The following PPEF1 variants were observed in gnomAD, a reference collection of about 807,000 sequenced individuals.
PPEF1 encodes protein phosphatase with EF-hand domain 1.
Under a neutral mutation model 53.3 loss-of-function variants are expected in PPEF1, and 12 were observed. The observed-to-expected ratio is 0.23, with a 90% CI of 0.14 to 0.36. The LOEUF is 0.36. Among genes scored for constraint, PPEF1 ranks in the 10% least tolerant of loss-of-function variants. The pLI is 1.00. For synonymous variants in PPEF1, 165 were observed against 176.7 expected, an observed-to-expected ratio of 0.93 and a Z score of 0.52; for missense variants, 334 against 490.4, an observed-to-expected ratio of 0.68 and a Z score of 3.01.
At chrX:18,708,603 T>G (rs1404235090) in intron 1 of PPEF1, among the ~76,000 whole-genome samples, 1 of 112,385 alleles carries the variant, frequency 8.9e-6, no homozygotes, top group East Asian at 2.8e-4. Flanking sequence ...CCCCAACTTC[T>G]ATTCCACGTC....
chrX:18,791,697 C>A (rs768709151), intron 10 of PPEF1, among the ~76,000 whole-genome samples: 39 of 111,186 alleles, frequency 3.5e-4, no homozygotes, highest in African/African-American at 1.1e-3. Flanking sequence ...TGCTTAATTG[C>A]CTTGTCTAGA....
At chrX:18,767,467 C>T (rs1021063496) in intron 6 of PPEF1, among the ~76,000 whole-genome samples, 1 of 111,770 alleles carries the variant, frequency 8.9e-6, no homozygotes, top group African/African-American at 3.3e-5. Context: ...ATTGCTTGAA[C>T]CCGGGATGCA....
rs377494457 is a variant in PPEF1 at position 18,809,370 on chromosome X, A to T, written c.1394+2825A>T. 8.1e-5 allele frequency among the ~76,000 whole-genome samples: 9 copies of T among 110,690 alleles called. No homozygotes were observed. The East Asian group carries it at 2.5e-3, about 31-fold the overall frequency. On this transcript the variant is annotated intron_variant, in intron 12 of 15. Transcript: ENST00000470157. ...TGTTTAGGGAATAATGACAAGAAGA[A>T]GTCTGTACATGTTAAGTACAGGCAC...
At chrX:18,790,477 T>C (rs1356901776) in intron 10 of PPEF1, among the ~76,000 whole-genome samples, 1 of 111,541 alleles carries the variant, frequency 9.0e-6, no homozygotes. Context: ...CAAAATGATA[T>C]ATTTTTTCTC....
chrX:18,786,905 C>A (rs2147614760), intron 9 of PPEF1, among the ~76,000 whole-genome samples: 1 of 110,740 alleles, frequency 9.0e-6, no homozygotes, highest in South Asian at 3.9e-4. Context: ...TTTCAGTCAC[C>A]AATACAGACC....
intron 4 of PPEF1, among the ~76,000 whole-genome samples, chrX:18,697,464 C>T (rs1049265946): frequency 1.8e-5 from 2 of 110,984 alleles, no homozygotes; most frequent in African/African-American, 6.6e-5. Context: ...AGAACCCCCT[C>T]TTCCCACCTC....
Position 18,726,674 on chromosome X carries a change from TA to T in PPEF1, c.47-3505del, listed in dbSNP as rs1476608886. ...AGCTCAGTTATTTCTTTTTTTTTTT[TA>T]ATCGAAATGGAGTCTTGCTCTGTCT... On this transcript the variant is annotated intron_variant, in intron 1 of 15. Coordinates refer to ENST00000470157, the MANE Select transcript of PPEF1 (RefSeq NM_001377996.1). Among the ~76,000 whole-genome samples, 5 of 101,483 alleles carry T rather than the reference TA, an allele frequency of 4.9e-5. No individual in the cohort carries two copies. In the South Asian group the frequency reaches 2.2e-3, roughly 45 times the overall value. 88.1% of individuals were successfully genotyped at this position (101,483 alleles called of 115,157 possible).
intron 4 of PPEF1, among the ~76,000 whole-genome samples, chrX:18,755,639 A>G (rs1452824908): frequency 1.8e-5 from 2 of 111,036 alleles, no homozygotes; most frequent in Non-Finnish European, 1.9e-5. Context: ...AACCATCACC[A>G]CTATGTAATT....
chrX:18,759,383 G>T (rs12010310), intron 5 of PPEF1, among the ~76,000 whole-genome samples: 3,769 of 111,598 alleles, frequency 0.034, 161 homozygotes, highest in African/African-American at 0.12. Context: ...AGATTGTGAT[G>T]AAAATTTGCT....
intron 4 of PPEF1, chrX:18,691,466 C>CATG (rs1031786994): frequency 8.9e-5 from 10 of 111,745 alleles, no homozygotes; most frequent in Non-Finnish European, 1.9e-4. Context: ...CAGAGAACCT[C>CATG]ATGATGGTCT....
chrX:18,777,579 G>C (rs2045993465), intron 6 of PPEF1, among the ~76,000 whole-genome samples: 1 of 109,996 alleles, frequency 9.1e-6, no homozygotes. Flanking sequence ...GAGTGCAGTG[G>C]TGCGATCTCC....
chrX:18,754,365 T>C (rs1185808473), intron 4 of PPEF1, among the ~76,000 whole-genome samples: 1 of 111,133 alleles, frequency 9.0e-6, no homozygotes, highest in Non-Finnish European at 1.9e-5. Context: ...TTCTCTGACA[T>C]CACCCCAGTA....
chrX:18,750,711 G>T lies in PPEF1; in HGVS notation c.396+759G>T, dbSNP rs771080664. On this transcript the variant is annotated intron_variant, in intron 4 of 15. Transcript: ENST00000470157. ...ATATGGTAGCTCTATGCTGGATCAT[G>T]TGGTAACTCTATATTTAAATTTTCC... Among the ~76,000 whole-genome samples the T allele has an allele frequency of 2.7e-5, 3 of 111,826 alleles. No homozygotes were observed. The South Asian group carries it at 1.1e-3, about 42-fold the overall frequency.
chrX:18,755,529 C>T (rs957192570), intron 4 of PPEF1, among the ~76,000 whole-genome samples: 1 of 111,970 alleles, frequency 8.9e-6, no homozygotes, highest in Non-Finnish European at 1.9e-5. Context: ...ATCGTGCCAC[C>T]GCACTCCAGC....
At chrX:18,746,422 G>A (rs934811764) in intron 3 of PPEF1, among the ~76,000 whole-genome samples, 1 of 112,007 alleles carries the variant, frequency 8.9e-6, no homozygotes, top group African/African-American at 3.2e-5. Flanking sequence ...ACTAAGAATC[G>A]GTTTAGGGAA....
At chrX:18,686,122 T>G (rs1219313598) in intron 2 of PPEF1, 1 of 112,393 alleles carries the variant, frequency 8.9e-6, no homozygotes, top group Non-Finnish European at 1.9e-5. Context: ...AAATTATTAT[T>G]TTTTTCTTCT....
chrX:18,781,015 C>T (rs1404306073), intron 7 of PPEF1, among the ~76,000 whole-genome samples: 1 of 99,710 alleles, frequency 1.0e-5, no homozygotes, highest in Non-Finnish European at 2.0e-5. Context: ...GAGATAGCGC[C>T]ACTGCACTCC....
Position 18,764,247 on chromosome X carries a change from G to T in PPEF1, c.558+2671G>T, listed in dbSNP as rs761297994. On this transcript the variant is annotated intron_variant, in intron 6 of 15. Transcript: ENST00000470157. The stretch of plus-strand genomic sequence containing the variant: ...AGGTGGGCAAGGACCTGGAAAGCAG[G>T]TGTGTTCAACAGTGGGGGGCACCAC... 3.6e-5 allele frequency among the ~76,000 whole-genome samples: 4 copies of T among 111,655 alleles called. No individual in the cohort carries two copies. In the South Asian group the frequency reaches 1.1e-3, roughly 32 times the overall value.
intron 10 of PPEF1, among the ~76,000 whole-genome samples, 183 bp downstream of exon 10, chrX:18,789,456 A>G (rs754152608): frequency 8.9e-6 from 1 of 112,515 alleles, no homozygotes. Context: ...TAACTCACCC[A>G]TTTAAAGTGT....
Sources: allele counts gnomAD v4.1 joint callset (sites outside exome capture counted in the v4.1 genomes callset), GRCh38; gene constraint gnomAD v4.1.1; transcripts MANE v1.5; gene names NCBI Gene and HGNC (gene_info 2026-07-23, HGNC 2026-07-21).